Variants in ADAMTS17 observed in about 807,000 individuals in gnomAD.
ADAMTS17 encodes ADAM metallopeptidase with thrombospondin type 1 motif 17, also known as A disintegrin and metalloproteinase with thrombospondin motifs 17.
Under a neutral mutation model 141.5 loss-of-function variants are expected in ADAMTS17, and 113 were observed. The observed-to-expected ratio is 0.80, with a 90% CI of 0.69 to 0.93. The LOEUF is 0.93. Ranked by LOEUF, ADAMTS17 falls within the 40% of genes least tolerant of loss-of-function variation. The pLI is 0.00. For missense variants in ADAMTS17, 1,659 were observed against 1,517.9 expected (o/e 1.09, Z -1.54); for synonymous variants, 768 against 630.6 (o/e 1.22, Z -3.27).
intron 3 of ADAMTS17, among the ~76,000 whole-genome samples, chr15:100,288,044 C>T (rs2044503876): frequency 6.6e-6 from 1 of 152,166 alleles, no homozygotes; most frequent in Non-Finnish European, 1.5e-5. Flanking sequence ...CTAAAGGCCC[C>T]AGTCAAAAGT....
chr15:100,127,557 T>G (rs11247155), intron 12 of ADAMTS17, among the ~76,000 whole-genome samples: 55,974 of 152,172 alleles, frequency 0.37, 10,777 homozygotes, highest in South Asian at 0.43. Flanking sequence ...GTTACCAAAC[T>G]TCAATGTGAT....
chr15:100,265,430 C>T (rs1457311762), intron 4 of ADAMTS17, among the ~76,000 whole-genome samples: 7 of 152,208 alleles, frequency 4.6e-5, no homozygotes, highest in African/African-American at 1.2e-4. Context: ...ATTCCGTCTC[C>T]GGCGTCCAGC....
chr15:100,000,011 AG>A (rs1384165938), intron 18 of ADAMTS17, among the ~76,000 whole-genome samples: 1 of 152,116 alleles, frequency 6.6e-6, no homozygotes. Context: ...CAGGGATGGG[AG>A]CCACAGTGAC....
At chr15:100,178,961 TTCC>T (rs1359598052) in intron 8 of ADAMTS17, among the ~76,000 whole-genome samples, 1 of 152,228 alleles carries the variant, frequency 6.6e-6, no homozygotes, top group Non-Finnish European at 1.5e-5. Flanking sequence ...CAATTTTTTT[TTCC>T]TAATTTCTGT....
intron 18 of ADAMTS17, among the ~76,000 whole-genome samples, chr15:100,042,070 C>T (rs2031304841): frequency 6.6e-6 from 1 of 152,116 alleles, no homozygotes; most frequent in Admixed American, 6.5e-5. Flanking sequence ...CCACTCATGC[C>T]ACCCCATCTG....
intron 15 of ADAMTS17, among the ~76,000 whole-genome samples, chr15:100,062,177 G>A (rs2033172496): frequency 6.6e-6 from 1 of 152,204 alleles, no homozygotes; most frequent in Non-Finnish European, 1.5e-5. Context: ...CCATGCAGGG[G>A]AGGTGAAAAA....
chr15:100,011,932 G>A (rs552724878), intron 18 of ADAMTS17, among the ~76,000 whole-genome samples: 6 of 152,302 alleles, frequency 3.9e-5, no homozygotes, highest in Non-Finnish European at 5.9e-5. Context: ...TGGGCCAAAT[G>A]GTAGTTCTAC....
intron 18 of ADAMTS17, among the ~76,000 whole-genome samples, chr15:100,036,281 A>C (rs1242186907): frequency 1.3e-5 from 2 of 152,246 alleles, no homozygotes; most frequent in Non-Finnish European, 2.9e-5. Context: ...ACACTGGGCA[A>C]ATTCTCTGTC....
At chr15:100,049,286 C>T (rs1596301377) in intron 17 of ADAMTS17, among the ~76,000 whole-genome samples, 1 of 152,266 alleles carries the variant, frequency 6.6e-6, no homozygotes, top group East Asian at 1.9e-4. Context: ...TTGATTTGGG[C>T]CTTTGATTTC....
intron 15 of ADAMTS17, among the ~76,000 whole-genome samples, chr15:100,078,429 A>AT (rs34296272): frequency 4.0e-5 from 6 of 151,662 alleles, no homozygotes; most frequent in East Asian, 1.9e-4. Context: ...CCAGAAAACA[A>AT]TTTTTTTTTA....
chr15:100,075,684 A>C (rs548544743), intron 15 of ADAMTS17, among the ~76,000 whole-genome samples: 1 of 152,170 alleles, frequency 6.6e-6, no homozygotes, highest in African/African-American at 2.4e-5. Flanking sequence ...ATCTGTACAC[A>C]TATCTTTTTT....
At chr15:100,194,266 G>A (rs2041030051) in intron 8 of ADAMTS17, among the ~76,000 whole-genome samples, 1 of 152,192 alleles carries the variant, frequency 6.6e-6, no homozygotes, top group South Asian at 2.1e-4. Flanking sequence ...GGCCCAGAAC[G>A]ACTAGTGGAC....
intron 7 of ADAMTS17, among the ~76,000 whole-genome samples, chr15:100,205,719 G>A (rs2041517927): frequency 6.6e-6 from 1 of 152,232 alleles, no homozygotes; most frequent in African/African-American, 2.4e-5. Context: ...CTGACTGCCT[G>A]TATGTGACAC....
At chr15:100,217,958 G>T (rs1055533173) in intron 7 of ADAMTS17, among the ~76,000 whole-genome samples, 12 of 152,206 alleles carry the variant, frequency 7.9e-5, no homozygotes, top group African/African-American at 2.7e-4. Flanking sequence ...AGTGCTCACT[G>T]CCGCCTTGAC....
At chr15:100,149,478 G>A (rs942926631) in intron 10 of ADAMTS17, among the ~76,000 whole-genome samples, 9 of 151,618 alleles carry the variant, frequency 5.9e-5, no homozygotes, top group East Asian at 1.9e-4. Context: ...CACCTGCTCC[G>A]TCCTGATTCA....
chr15:100,027,201 C>G (rs1055028746), intron 18 of ADAMTS17, among the ~76,000 whole-genome samples: 1 of 152,256 alleles, frequency 6.6e-6, no homozygotes, highest in African/African-American at 2.4e-5. Flanking sequence ...TCCACCCACT[C>G]TCTAAACAAC....
In ADAMTS17 at chr15:99,971,475, C is replaced by G. The variant is rs1451876935; in HGVS notation, c.*2927G>C. 1 of 152,220 alleles carries G rather than the reference C, an allele frequency of 6.6e-6. No individual in the cohort carries two copies. The highest frequency in any genetic ancestry group is 1.5e-5 in the Non-Finnish European group (1 of 68,044). The allele number at this position is 152,220 out of a possible 1,614,324, so 9.4% of individuals were successfully genotyped here. A position where few individuals can be genotyped will look rare whatever the true frequency, so the allele number is the denominator to read the frequency against. ...CATTTTATTACACATATTCAACTTGCTTCCAATGAAATGATTAATTTTTCT... is the reference window on the plus strand; with the variant it reads ...CATTTTATTACACATATTCAACTTGGTTCCAATGAAATGATTAATTTTTCT... On this transcript the variant is annotated 3_prime_UTR_variant, in exon 22 of 22. Coordinates refer to ENST00000268070, the MANE Select transcript of ADAMTS17 (RefSeq NM_139057.4).
chr15:100,068,647 G>T (rs1025277001), intron 15 of ADAMTS17, among the ~76,000 whole-genome samples: 15 of 152,222 alleles, frequency 9.9e-5, no homozygotes, highest in Admixed American at 8.5e-4. Flanking sequence ...AACAGGGTCT[G>T]GAGTGGACCT....
intron 18 of ADAMTS17, among the ~76,000 whole-genome samples, chr15:100,001,988 C>CAAAAAAAAAAAAAA (rs879343287): frequency 7.7e-5 from 3 of 39,132 alleles, no homozygotes; most frequent in Non-Finnish European, 1.3e-4. Context: ...AAAAAAAGGC[C>CAAAAAAAAAAAAAA]AAACCCAAAA....
Sources: allele counts gnomAD v4.1 joint callset (sites outside exome capture counted in the v4.1 genomes callset), GRCh38; gene constraint gnomAD v4.1.1; transcripts MANE v1.5; gene names NCBI Gene and HGNC (gene_info 2026-07-23, HGNC 2026-07-21).